COPA: variants seen among roughly 807,000 people sequenced by gnomAD.
COPA encodes the protein coat protein complex I subunit alpha.
COPA carries 10 observed loss-of-function variants against 158.7 expected under a neutral mutation model. That is an observed-to-expected ratio of 0.06 (90% CI 0.04 to 0.11). The LOEUF is 0.11. COPA is among the 10% of genes least tolerant of loss of function. The pLI, the probability that COPA is intolerant of heterozygous loss-of-function variation, is 1.00. For missense variants in COPA, 1,065 were observed against 1,536.7 expected (o/e 0.69, Z 5.13); for synonymous variants, 462 against 542.8 (o/e 0.85, Z 2.07).
intron 1 of COPA, among the ~76,000 whole-genome samples, chr1:160,340,996 C>T (rs59785303): frequency 0.013 from 1,982 of 152,288 alleles, 43 homozygotes; most frequent in African/African-American, 0.041. Context: ...CAGTAATCTA[C>T]GACAATCACA....
At position 160,299,169 on chromosome 1, in the gene COPA, C is replaced by A; in HGVS notation, c.1763G>T (p.Arg588Leu). The change falls in exon 18 of 33, where the codon CGG (arginine) becomes CTG (leucine). Residue 588 changes from arginine to leucine, a missense_variant. Around this residue, in one of 2 missense-constraint regions of COPA, gnomAD observed 980 missense variants for 1,357.8 expected, o/e 0.72. Transcript: ENST00000241704. ...VYCLDRECRP[R>L]VLTIDPTEFK... ...CTCAGTGGGATCAATGGTGAGTACC[C>A]GGGGACGACACTCCCTGTCTAGGCA... The A allele has an allele frequency of 1.2e-6, 2 of 1,614,148 alleles. No individual in the cohort carries two copies. The highest frequency in any genetic ancestry group is 1.7e-6 in the Non-Finnish European group (2 of 1,180,018).
intron 11 of COPA, 120 bp downstream of exon 11, chr1:160,311,748 A>T (rs560512517): frequency 5.8e-4 from 608 of 1,054,282 alleles, no homozygotes; most frequent in Admixed American, 1.2e-3. Flanking sequence ...CTCCGTCTCA[A>T]AAAAAAATTA....
intron 25 of COPA, among the ~76,000 whole-genome samples, chr1:160,294,145 C>T (rs1220974282): frequency 1.3e-5 from 2 of 152,162 alleles, no homozygotes; most frequent in South Asian, 2.1e-4. Flanking sequence ...TTGACTCTCT[C>T]GTTCTTCCTG....
chr1:160,307,837 T>C (rs1658838366), intron 13 of COPA, among the ~76,000 whole-genome samples: 1 of 152,220 alleles, frequency 6.6e-6, no homozygotes, highest in Non-Finnish European at 1.5e-5. Context: ...AATTTTGAAA[T>C]GGACACTCCA....
chr1:160,307,325 A>G (rs1658824024), intron 13 of COPA, 80 bp from the exon 14 acceptor site: 1 of 1,334,908 alleles, frequency 7.5e-7, no homozygotes, highest in African/African-American at 1.4e-5. Flanking sequence ...TGGAGCTGCC[A>G]GTCTTGCTGG....
intron 8 of COPA, chr1:160,317,609 G>A: frequency 6.4e-7 from 1 of 1,559,828 alleles, no homozygotes; most frequent in East Asian, 2.2e-5. Context: ...GAGGGTCAGA[G>A]AATTGCTGAT....
rs367624421 is a variant in COPA at position 160,303,368 on chromosome 1, G to T, written c.1667+2065C>A. Among the ~76,000 whole-genome samples, 3 of 152,234 alleles carry T rather than the reference G, an allele frequency of 2.0e-5. No individual in the cohort carries two copies. In the East Asian group the frequency reaches 5.8e-4, roughly 29 times the overall value. ...TTTAAGACAGTGTGGAATTAGAGCA[G>T]AGATAGACAGACCACATTTGAAAAC... On this transcript the variant is annotated intron_variant, in intron 17 of 32. Transcript: ENST00000241704.
chr1:160,296,515 C>T (rs1658417887), intron 21 of COPA, among the ~76,000 whole-genome samples: 1 of 152,150 alleles, frequency 6.6e-6, no homozygotes, highest in Admixed American at 6.5e-5. Flanking sequence ...TGGGGGCTGC[C>T]AATGGCCATT....
At chr1:160,334,690 G>A (rs972475195) in intron 4 of COPA, among the ~76,000 whole-genome samples, 1 of 152,182 alleles carries the variant, frequency 6.6e-6, no homozygotes, top group African/African-American at 2.4e-5. Context: ...GATCCTGTCA[G>A]GGTGCAACTG....
chr1:160,342,492 C>G (rs986090214), intron 1 of COPA, among the ~76,000 whole-genome samples: 1 of 152,146 alleles, frequency 6.6e-6, no homozygotes, highest in African/African-American at 2.4e-5. Flanking sequence ...TAAATTTGAA[C>G]TTCTGGTAAG....
intron 9 of COPA, among the ~76,000 whole-genome samples, chr1:160,313,540 G>C (rs1659041856): frequency 6.6e-6 from 1 of 151,862 alleles, no homozygotes; most frequent in Non-Finnish European, 1.5e-5. Flanking sequence ...TCAGCCTCCT[G>C]AGTAGCTGGG....
At chr1:160,300,392 T>A (rs931473380) in intron 17 of COPA, among the ~76,000 whole-genome samples, 4 of 146,028 alleles carry the variant, frequency 2.7e-5, no homozygotes, top group African/African-American at 1.0e-4. Flanking sequence ...AATAAATAAA[T>A]AGAAGGATCA....
At position 160,317,733 on chromosome 1, in the gene COPA, C is replaced by T. The variant is rs1333149303; in HGVS notation, c.707-3608G>A. ...TATTCTTTTTATTTTTTTTCTTTTC[C>T]CTCAATCCTTTCTCATTTTTAAAAA... On this transcript the variant is annotated intron_variant, in intron 8 of 32. Transcript: ENST00000241704. 17 of 1,318,598 alleles carry T rather than the reference C, an allele frequency of 1.3e-5. No homozygotes were observed. The African/African-American group carries it at 2.0e-4, about 16-fold the overall frequency. 81.7% of individuals were successfully genotyped at this position (1,318,598 alleles called of 1,614,324 possible).
intron 3 of COPA, among the ~76,000 whole-genome samples, chr1:160,337,457 C>A (rs148613867): frequency 6.6e-6 from 1 of 152,172 alleles, no homozygotes; most frequent in Non-Finnish European, 1.5e-5. Context: ...CGGTGGCTCA[C>A]GCCTGTAATC....
chr1:160,316,112 C>G (rs1317429047), intron 8 of COPA, among the ~76,000 whole-genome samples: 1 of 152,188 alleles, frequency 6.6e-6, no homozygotes, highest in Non-Finnish European at 1.5e-5. Flanking sequence ...ATAATCCCAG[C>G]ACTTTGGGAG....
At chr1:160,300,532 T>A (rs1000048931) in intron 17 of COPA, among the ~76,000 whole-genome samples, 1 of 152,124 alleles carries the variant, frequency 6.6e-6, no homozygotes, top group Non-Finnish European at 1.5e-5. Flanking sequence ...TATGTCCATA[T>A]GACTTCAAGG....
intron 3 of COPA, among the ~76,000 whole-genome samples, chr1:160,335,936 G>A (rs1225855565): frequency 6.7e-6 from 1 of 149,252 alleles, no homozygotes; most frequent in Non-Finnish European, 1.5e-5. Context: ...GAAGCCATCT[G>A]CATTTAATAG....
At chr1:160,298,110 G>A (rs1215514111) in intron 19 of COPA, among the ~76,000 whole-genome samples, 1 of 151,942 alleles carries the variant, frequency 6.6e-6, no homozygotes, top group African/African-American at 2.4e-5. Context: ...GGACCCAGGA[G>A]GCGGAGGTTG....
intron 3 of COPA, 80 bp from the exon 4 acceptor site, chr1:160,335,402 A>C: frequency 9.1e-7 from 1 of 1,098,180 alleles, no homozygotes; most frequent in Non-Finnish European, 1.3e-6. Context: ...ATCTTTACAG[A>C]GATAGAAATA....
Sources: allele counts gnomAD v4.1 joint callset (sites outside exome capture counted in the v4.1 genomes callset), GRCh38; gene constraint gnomAD v4.1.1; regional missense constraint gnomAD v4.1.1; transcripts MANE v1.5; gene names NCBI Gene and HGNC (gene_info 2026-07-23, HGNC 2026-07-21).